The following PRKG2 variants were observed in gnomAD, a reference collection of about 807,000 sequenced individuals.
The protein encoded by PRKG2 is protein kinase cGMP-dependent 2, also known as cGMP-dependent protein kinase 2.
PRKG2 carries 33 observed loss-of-function variants against 97.2 expected under a neutral mutation model. That is an observed-to-expected ratio of 0.34 (90% CI 0.26 to 0.45). The LOEUF (loss-of-function observed/expected upper bound fraction) is 0.45, where lower values mean the gene tolerates loss of function less well. Ranked by LOEUF, PRKG2 falls within the 20% of genes least tolerant of loss-of-function variation. The pLI, the probability that PRKG2 is intolerant of heterozygous loss-of-function variation, is 1.00. For missense variants in PRKG2, 638 were observed against 900.0 expected (o/e 0.71, Z 3.73); for synonymous variants, 330 against 321.8 (o/e 1.03, Z -0.27).
Position 81,100,320 on chromosome 4 carries a change from A to C in PRKG2, c.2126+4050T>G, listed in dbSNP as rs576372474. 1.3e-4 allele frequency among the ~76,000 whole-genome samples: 20 copies of C among 152,316 alleles called. 1 individual carries two copies. The East Asian group carries it at 3.9e-3, about 29-fold the overall frequency. ...GCTACCTGACTTCAAACTATACTAC[A>C]AGGCTACAGTAACAAAAACAGCATG... On this transcript the variant is annotated intron_variant, in intron 17 of 18. Coordinates refer to ENST00000264399, the MANE Select transcript of PRKG2 (RefSeq NM_006259.3).
chr4:81,146,958 C>T (rs1747910088), intron 9 of PRKG2, among the ~76,000 whole-genome samples: 1 of 152,078 alleles, frequency 6.6e-6, no homozygotes, highest in South Asian at 2.1e-4. Context: ...TCTGAACTGT[C>T]TCAGTAAATC....
chr4:81,130,488 C>T (rs1370543914), intron 14 of PRKG2, among the ~76,000 whole-genome samples: 1 of 152,158 alleles, frequency 6.6e-6, no homozygotes, highest in African/African-American at 2.4e-5. Flanking sequence ...CTTGAGGAGG[C>T]AGTCTGTCCC....
At chr4:81,216,209 T>C (rs1185554274), upstream of PRKG2, among the ~76,000 whole-genome samples, 1 of 152,164 alleles carries the variant, frequency 6.6e-6, no homozygotes, top group Non-Finnish European at 1.5e-5. Flanking sequence ...ATATTAAAAA[T>C]GAGGCCCATG....
At chr4:81,171,446 C>A (rs1422747754) in intron 4 of PRKG2, among the ~76,000 whole-genome samples, 1 of 152,058 alleles carries the variant, frequency 6.6e-6, no homozygotes, top group African/African-American at 2.4e-5. Context: ...CATGTCTTTA[C>A]CGTTGTGAAT....
chr4:81,151,539 G>C (rs1308116469), intron 8 of PRKG2, among the ~76,000 whole-genome samples: 2 of 151,786 alleles, frequency 1.3e-5, no homozygotes. Context: ...AAATTCTTAA[G>C]AAAAATACTT....
At position 81,142,855 on chromosome 4, in the gene PRKG2, G is replaced by A. The variant is rs1415041514; in HGVS notation, c.1346C>T (p.Pro449Leu). 1 of 1,613,302 alleles carries A rather than the reference G, an allele frequency of 6.2e-7. No homozygotes were observed. ...TGCAATAATCTCAAGGTTCTGGAAT[G>A]GGGATGATGAGGAAAATCTGGCCAC... Reference protein sequence around the residue: ...EKVARFSSSSPFQNLEIIATL... With the variant: ...EKVARFSSSSLFQNLEIIATL... The change falls in exon 11 of 19, where the codon CCA (proline) becomes CTA (leucine). Residue 449 changes from proline (P) to leucine (L), a missense_variant. By Grantham distance (98) the Pro-to-Leu change is moderately conservative. Coordinates refer to ENST00000264399, the MANE Select transcript of PRKG2 (RefSeq NM_006259.3).
chr4:81,155,250 T>C (rs1748935961), intron 6 of PRKG2, among the ~76,000 whole-genome samples: 1 of 150,844 alleles, frequency 6.6e-6, no homozygotes, highest in Middle Eastern at 3.5e-3. Flanking sequence ...CTGATGGAGC[T>C]GAAAACCAAG....
chr4:81,129,930 T>C (rs1166581650), intron 14 of PRKG2, among the ~76,000 whole-genome samples: 2 of 152,198 alleles, frequency 1.3e-5, no homozygotes, highest in African/African-American at 4.8e-5. Context: ...ATAGTGTCGA[T>C]GTTCTTTACA....
chr4:81,195,262 A>G (rs1274237450), intron 2 of PRKG2, among the ~76,000 whole-genome samples: 1 of 152,152 alleles, frequency 6.6e-6, no homozygotes, highest in East Asian at 1.9e-4. Flanking sequence ...AATATAATAC[A>G]CAAGTGAGAA....
At chr4:81,207,001 T>C (rs1202740177) in intron 1 of PRKG2, among the ~76,000 whole-genome samples, 2 of 152,210 alleles carry the variant, frequency 1.3e-5, no homozygotes, top group Non-Finnish European at 2.9e-5. Flanking sequence ...GTTGCAGAGA[T>C]GTGGCAGGTT....
chr4:81,174,917 A>G lies in PRKG2; in HGVS notation c.504T>C (p.Phe168=), dbSNP rs2110087754. The part of the protein sequence containing the change: ...LITDALNKNQ[F]LKRLDPQQIK... ...TCTGCTGAGGATCCAGTCTTTTCAG[A>G]AACTGATTTTTATTAAGGGCATCTG... The change falls in exon 3 of 19, where the codon TTT becomes TTC. Residue 168 remains phenylalanine (F), a synonymous_variant. Coordinates refer to ENST00000264399, the MANE Select transcript of PRKG2 (RefSeq NM_006259.3). 1.2e-6 allele frequency: 2 copies of G among 1,612,724 alleles called. No homozygotes were observed. The highest frequency in any genetic ancestry group is 1.7e-6 in the Non-Finnish European group (2 of 1,179,106).
chr4:81,197,075 A>G (rs1358569809), intron 2 of PRKG2, among the ~76,000 whole-genome samples: 1 of 152,204 alleles, frequency 6.6e-6, no homozygotes, highest in African/African-American at 2.4e-5. Context: ...GCTTATGGAA[A>G]GAAAAGGGAG....
At chr4:81,107,944 C>T (rs777618661) in intron 15 of PRKG2, among the ~76,000 whole-genome samples, 4 of 152,104 alleles carry the variant, frequency 2.6e-5, no homozygotes, top group Non-Finnish European at 5.9e-5. Flanking sequence ...GTGGCTCACG[C>T]CTGTAATCCT....
At chr4:81,170,232 A>T (rs1750343764) in intron 4 of PRKG2, among the ~76,000 whole-genome samples, 1 of 152,142 alleles carries the variant, frequency 6.6e-6, no homozygotes, top group Non-Finnish European at 1.5e-5. Flanking sequence ...TTGCTAAAGA[A>T]GCTACATATT....
chr4:81,096,464 A>G (rs1467353467), intron 17 of PRKG2, among the ~76,000 whole-genome samples: 1 of 152,194 alleles, frequency 6.6e-6, no homozygotes, highest in East Asian at 1.9e-4. Flanking sequence ...TGAGCCCAGG[A>G]ATTCAAGGCT....
At position 81,089,679 on chromosome 4, in the gene PRKG2, A is replaced by C; in HGVS notation, c.*29T>G. On this transcript the variant is annotated 3_prime_UTR_variant, in exon 19 of 19. Transcript: ENST00000264399. Reference sequence around the variant, plus strand: ...TGATCCTTGAGGTCCTCTTCTGTAGAGTACAGGCAGTAATCAACTTTTCTT... The same window carrying C: ...TGATCCTTGAGGTCCTCTTCTGTAGCGTACAGGCAGTAATCAACTTTTCTT... 6.8e-7 allele frequency: 1 copy of C among 1,469,596 alleles called. No individual in the cohort carries two copies. Among genetic ancestry groups the C allele is most frequent in the African/African-American group, 1.4e-5 (1 of 71,798 alleles). The allele number at this position is 1,469,596 out of a possible 1,614,324, so 91.0% of individuals were successfully genotyped here.
At chr4:81,141,168 AC>A (rs1369836760) in intron 11 of PRKG2, among the ~76,000 whole-genome samples, 2 of 151,934 alleles carry the variant, frequency 1.3e-5, no homozygotes, top group East Asian at 1.9e-4. Flanking sequence ...AAACCACCAC[AC>A]CCAGCTAATT....
chr4:81,194,866 C>T (rs1752850954), intron 2 of PRKG2, among the ~76,000 whole-genome samples: 1 of 152,196 alleles, frequency 6.6e-6, no homozygotes, highest in African/African-American at 2.4e-5. Flanking sequence ...GCTCCTATAA[C>T]ACAATGCTCC....
chr4:81,160,794 A>T (rs954609741), intron 6 of PRKG2, among the ~76,000 whole-genome samples: 4 of 152,068 alleles, frequency 2.6e-5, no homozygotes, highest in Non-Finnish European at 4.4e-5. Context: ...TATTTATGTG[A>T]TTAGAAAATT....
Sources: allele counts gnomAD v4.1 joint callset (sites outside exome capture counted in the v4.1 genomes callset), GRCh38; gene constraint gnomAD v4.1.1; transcripts MANE v1.5; gene names NCBI Gene and HGNC (gene_info 2026-07-23, HGNC 2026-07-21).